Variants in CLIC5 observed in about 807,000 individuals in gnomAD.
The protein encoded by CLIC5 is CLIC family member 5, also known as chloride intracellular channel protein 5.
A neutral mutation model predicts 24.7 loss-of-function variants in CLIC5; 20 were observed. The ratio of observed to expected loss-of-function variants is 0.81; its 90% CI spans 0.57 to 1.18. The LOEUF (loss-of-function observed/expected upper bound fraction) is 1.18, where lower values mean the gene tolerates loss of function less well. Ranked by LOEUF, CLIC5 falls within the 50% of genes most tolerant of loss-of-function variation. CLIC5 has a pLI of 0.00. For missense variants in CLIC5, 341 were observed against 326.1 expected (o/e 1.05, Z -0.35); for synonymous variants, 159 against 135.6 (o/e 1.17, Z -1.20).
At chr6:45,980,072 T>C (rs1765519627) in intron 1 of CLIC5, among the ~76,000 whole-genome samples, 1 of 151,798 alleles carries the variant, frequency 6.6e-6, no homozygotes, top group Admixed American at 6.6e-5. Flanking sequence ...GAGTTAATTT[T>C]TGTATGTGGT....
intron 1 of CLIC5, among the ~76,000 whole-genome samples, chr6:46,027,785 T>C (rs557077252): frequency 6.6e-6 from 1 of 152,316 alleles, no homozygotes; most frequent in South Asian, 2.1e-4. Context: ...TTGGTTTTGC[T>C]CATTGGCAGC....
chr6:46,068,634 C>T (rs945760914), intron 1 of CLIC5, among the ~76,000 whole-genome samples: 2 of 152,076 alleles, frequency 1.3e-5, no homozygotes, highest in Admixed American at 6.6e-5. Context: ...TGGAATGTGG[C>T]TGCATTTAAG....
chr6:45,940,155 C>G (rs1764081456), intron 4 of CLIC5, among the ~76,000 whole-genome samples: 1 of 152,214 alleles, frequency 6.6e-6, no homozygotes, highest in African/African-American at 2.4e-5. Context: ...CAGCCAACTG[C>G]TTCCTTCTTA....
chr6:45,988,257 C>A (rs1228271565), intron 1 of CLIC5, among the ~76,000 whole-genome samples: 2 of 152,164 alleles, frequency 1.3e-5, no homozygotes, highest in Non-Finnish European at 2.9e-5. Context: ...CAAAACCTAG[C>A]AAGGCAAATT....
At chr6:46,078,015 G>T (rs1441355618) in intron 1 of CLIC5, among the ~76,000 whole-genome samples, 1 of 152,008 alleles carries the variant, frequency 6.6e-6, no homozygotes, top group Non-Finnish European at 1.5e-5. Context: ...GTCACAGGTT[G>T]CATGGATGCT....
rs1239779340 is a variant in CLIC5 at position 45,898,536 on chromosome 6, A to T, written c.*4552T>A. ...GAACACAAATTGGTAATTGGTTCAG[A>T]TTCATGAGGAAAACACTCAGCTGTA... On this transcript the variant is annotated 3_prime_UTR_variant, in exon 6 of 6. Transcript: ENST00000339561. 6.6e-6 allele frequency: 1 copy of T among 151,564 alleles called. No individual in the cohort carries two copies. The highest frequency in any genetic ancestry group is 1.5e-5 in the Non-Finnish European group (1 of 68,008). 9.4% of individuals were successfully genotyped at this position (151,564 alleles called of 1,614,324 possible).
chr6:45,906,823 A>G (rs562009525), intron 5 of CLIC5, among the ~76,000 whole-genome samples: 1 of 152,234 alleles, frequency 6.6e-6, no homozygotes, highest in East Asian at 1.9e-4. Context: ...CAGCCTCCCA[A>G]AGTGCTGGGA....
chr6:45,931,950 G>A (rs1236619253), intron 4 of CLIC5, among the ~76,000 whole-genome samples: 1 of 151,850 alleles, frequency 6.6e-6, no homozygotes, highest in Admixed American at 6.6e-5. Context: ...GTGTGCCACT[G>A]TGCCCAGCCA....
At chr6:46,003,835 G>A (rs1766445199) in intron 1 of CLIC5, among the ~76,000 whole-genome samples, 1 of 152,206 alleles carries the variant, frequency 6.6e-6, no homozygotes, top group Admixed American at 6.5e-5. Context: ...TCATGCCTGT[G>A]CAAGGCTGGG....
At chr6:45,923,758 C>T (rs1176013954) in intron 4 of CLIC5, among the ~76,000 whole-genome samples, 1 of 152,182 alleles carries the variant, frequency 6.6e-6, no homozygotes, top group Non-Finnish European at 1.5e-5. Flanking sequence ...CTAAATGACA[C>T]ACTCTTGTTT....
At chr6:46,061,393 A>G (rs904878307) in intron 1 of CLIC5, among the ~76,000 whole-genome samples, 1 of 152,126 alleles carries the variant, frequency 6.6e-6, no homozygotes, top group Non-Finnish European at 1.5e-5. Context: ...GGGTTTCACC[A>G]TGTTGGCCAG....
chr6:45,883,734 A>G (rs1762281477), intron 6 of CLIC5: 1 of 152,274 alleles, frequency 6.6e-6, no homozygotes, highest in Admixed American at 6.5e-5. Context: ...ACACAGTGCC[A>G]CAAGGGGACT....
chr6:46,109,958 G>A, the CLIC5 span, among the ~76,000 whole-genome samples: 2 of 152,152 alleles, frequency 1.3e-5, no homozygotes, highest in South Asian at 2.1e-4. Context: ...AAGGGTGGAA[G>A]GCTACCCTCA....
intron 1 of CLIC5, among the ~76,000 whole-genome samples, chr6:45,999,940 C>T (rs1258500913): frequency 1.2e-5 from 1 of 83,736 alleles, no homozygotes; most frequent in South Asian, 6.3e-4. Flanking sequence ...TTAGTAGAGA[C>T]GGGGTTTCAC....
intron 2 of CLIC5, among the ~76,000 whole-genome samples, chr6:45,950,372 G>A (rs553632090): frequency 6.6e-6 from 1 of 151,056 alleles, no homozygotes; most frequent in Non-Finnish European, 1.5e-5. Context: ...ACCAGCCTGG[G>A]CAACATAGCA....
At chr6:46,055,371 G>A (rs1269336327) in intron 1 of CLIC5, among the ~76,000 whole-genome samples, 1 of 152,112 alleles carries the variant, frequency 6.6e-6, no homozygotes, top group Non-Finnish European at 1.5e-5. Flanking sequence ...CCAAAGTGCT[G>A]GGAAAACAGG....
chr6:46,000,147 T>A (rs145642392), intron 1 of CLIC5, among the ~76,000 whole-genome samples: 2 of 152,358 alleles, frequency 1.3e-5, no homozygotes, highest in East Asian at 3.9e-4. Context: ...GTGTGTTGAC[T>A]GTTATGTTAT....
chr6:46,076,105 C>T (rs1012796510), intron 1 of CLIC5, among the ~76,000 whole-genome samples: 1 of 152,204 alleles, frequency 6.6e-6, no homozygotes, highest in African/African-American at 2.4e-5. Context: ...CATACTGTTC[C>T]TTCCAAAATC....
rs932115554 is a variant in CLIC5 at position 45,899,729 on chromosome 6, C to T, written c.*3359G>A. The T allele has an allele frequency of 6.6e-6, 1 of 152,192 alleles. No homozygotes were observed. Among genetic ancestry groups the T allele is most frequent in the African/African-American group, 2.4e-5 (1 of 41,424 alleles). The allele number at this position is 152,192 out of a possible 1,614,324, so 9.4% of individuals were successfully genotyped here. A position where few individuals can be genotyped will look rare whatever the true frequency, so the allele number is the denominator to read the frequency against. On this transcript the variant is annotated 3_prime_UTR_variant, in exon 6 of 6. Transcript: ENST00000339561. ...CTTCTGTTGTTTCATTTGATAAGGGCCTGGAAAGTCAGCCTGGGAAAACTC... is the reference window on the plus strand; with the variant it reads ...CTTCTGTTGTTTCATTTGATAAGGGTCTGGAAAGTCAGCCTGGGAAAACTC...
Sources: gnomAD v4.1 joint callset for allele counts (sites outside exome capture counted in the v4.1 genomes callset) on GRCh38, gnomAD v4.1.1 for gene constraint, MANE v1.5 for transcripts, NCBI Gene and HGNC (gene_info 2026-07-23, HGNC 2026-07-21) for gene names.